GRM1: variants seen among roughly 807,000 people sequenced by gnomAD.
The protein encoded by GRM1 is glutamate metabotropic receptor 1, also known as metabotropic glutamate receptor 1.
GRM1 carries 33 observed loss-of-function variants against 90.9 expected under a neutral mutation model. That is an observed-to-expected ratio of 0.36 (90% CI 0.28 to 0.49). The LOEUF (loss-of-function observed/expected upper bound fraction) is 0.49, where lower values mean the gene tolerates loss of function less well. Ranked by LOEUF, GRM1 falls within the 20% of genes least tolerant of loss-of-function variation. GRM1 has a pLI of 0.99. For synonymous variants in GRM1, 700 were observed against 613.2 expected (o/e 1.14, Z -2.09); for missense variants, 1,190 against 1,534.3 (o/e 0.78, Z 3.75).
At chr6:146,423,157 A>G (rs1778062049) in intron 7 of GRM1, among the ~76,000 whole-genome samples, 1 of 152,218 alleles carries the variant, frequency 6.6e-6, no homozygotes, top group Admixed American at 6.5e-5. Flanking sequence ...TGGGACTTAT[A>G]TTTGACAAGC....
chr6:146,211,713 AAAC>A (rs1406070525), intron 2 of GRM1, among the ~76,000 whole-genome samples: 1 of 152,258 alleles, frequency 6.6e-6, no homozygotes, highest in Non-Finnish European at 1.5e-5. Flanking sequence ...CTCAGACAAT[AAAC>A]AACAATAAGT....
rs547230921 is a variant in GRM1 at position 146,325,487 on chromosome 6, C to T, written c.1186+20641C>T. Among the ~76,000 whole-genome samples, 7 of 152,282 alleles carry T rather than the reference C, an allele frequency of 4.6e-5. No individual in the cohort carries two copies. In the South Asian group the frequency reaches 6.2e-4, roughly 14 times the overall value. ...TGAACACCTCAAGTCCATATTTCAT[C>T]CATTTGAAATGGATTTATTTACACC... On this transcript the variant is annotated intron_variant, in intron 3 of 7. Coordinates refer to ENST00000282753, the MANE Select transcript of GRM1 (RefSeq NM_001278064.2).
chr6:146,084,277 G>A (rs753810763), intron 1 of GRM1, among the ~76,000 whole-genome samples: 3 of 151,390 alleles, frequency 2.0e-5, no homozygotes, highest in Non-Finnish European at 4.4e-5. Flanking sequence ...GTCTTCTGCT[G>A]GCTTTTGGAT....
At position 146,375,933 on chromosome 6, in the gene GRM1, C is replaced by T. The variant is rs118029323; in HGVS notation, c.1603-10957C>T. ...ATTTGTTTTCTGGTAGTTTTATGGTCTTCCCTCCCTTCTCTCTTTCCTTCC... is the reference window on the plus strand; with the variant it reads ...ATTTGTTTTCTGGTAGTTTTATGGTTTTCCCTCCCTTCTCTCTTTCCTTCC... On this transcript the variant is annotated intron_variant, in intron 5 of 7. Coordinates refer to ENST00000282753, the MANE Select transcript of GRM1 (RefSeq NM_001278064.2). Among the ~76,000 whole-genome samples, 25 of 151,872 alleles carry T rather than the reference C, an allele frequency of 1.6e-4. No individual in the cohort carries two copies. In the East Asian group the frequency reaches 4.8e-3, roughly 29 times the overall value.
chr6:146,350,382 C>G lies in GRM1; in HGVS notation c.1187-1868C>G, dbSNP rs189373559. 4.7e-3 allele frequency among the ~76,000 whole-genome samples: 722 copies of G among 152,090 alleles called. 5 individuals carry two copies. The highest frequency in any genetic ancestry group is 4.9e-3 in the Non-Finnish European group (332 of 68,002). On this transcript the variant is annotated intron_variant, in intron 3 of 7. Transcript: ENST00000282753. The stretch of plus-strand genomic sequence containing the variant: ...TTGACCCTGTTGTTGGTTGTAATGA[C>G]TGCAACTTTGGGTGATGGTTTTAGT...
chr6:146,381,108 G>A (rs562365150), intron 5 of GRM1, among the ~76,000 whole-genome samples: 61 of 152,246 alleles, frequency 4.0e-4, no homozygotes, highest in African/African-American at 1.2e-3. Context: ...TGATGCCAGC[G>A]TTCCCTTAGC....
At chr6:146,289,098 C>A (rs1782881390) in intron 2 of GRM1, among the ~76,000 whole-genome samples, 1 of 151,928 alleles carries the variant, frequency 6.6e-6, no homozygotes, top group African/African-American at 2.4e-5. Context: ...TTTGGAGTAT[C>A]CTCCTTCTAC....
rs755976570 is a variant in GRM1 at position 146,029,837 on chromosome 6, A to C, written c.320A>C (p.Asp107Ala). Residue 107 changes from aspartate (D) to alanine (A), a missense_variant, in exon 1 of 8, where the codon GAC becomes GCC. By Grantham distance (126) the Asp-to-Ala change is moderately radical. Coordinates refer to ENST00000282753, the MANE Select transcript of GRM1 (RefSeq NM_001278064.2). The part of the protein sequence containing the change: ...PNITLGSEIR[D>A]SCWHSSVALE... ...ATCACCCTGGGCAGTGAGATCCGGG[A>C]CTCCTGCTGGCACTCTTCCGTGGCT... The C allele has an allele frequency of 6.2e-7, 1 of 1,613,642 alleles. No homozygotes were observed. Among genetic ancestry groups the C allele is most frequent in the Non-Finnish European group, 8.5e-7 (1 of 1,179,874 alleles).
chr6:146,173,557 C>A (rs1196510501), intron 2 of GRM1, among the ~76,000 whole-genome samples: 1 of 151,846 alleles, frequency 6.6e-6, no homozygotes, highest in African/African-American at 2.4e-5. Flanking sequence ...CTGCCTTAAT[C>A]ATTCTAGACA....
intron 3 of GRM1, chr6:146,340,447 C>T (rs774592386): frequency 4.6e-5 from 7 of 152,304 alleles, no homozygotes; most frequent in Admixed American, 1.3e-4. Flanking sequence ...CCTGAATGCT[C>T]CCGATCTCGT....
intron 1 of GRM1, among the ~76,000 whole-genome samples, chr6:146,056,888 A>C (rs530417817): frequency 2.0e-5 from 3 of 152,306 alleles, no homozygotes; most frequent in East Asian, 3.9e-4. Flanking sequence ...GCAGAGTTTC[A>C]GTACTTGGCT....
intron 5 of GRM1, among the ~76,000 whole-genome samples, chr6:146,370,828 C>A (rs1409927239): frequency 6.6e-6 from 1 of 151,342 alleles, no homozygotes; most frequent in African/African-American, 2.5e-5. Context: ...TTAACTGCAC[C>A]CTGTGGAGTA....
In GRM1 at chr6:146,434,335, A is replaced by C; in HGVS notation, c.3124A>C (p.Ser1042Arg). 1 of 1,612,340 alleles carries C rather than the reference A, an allele frequency of 6.2e-7. No homozygotes were observed. The highest frequency in any genetic ancestry group is 8.5e-7 in the Non-Finnish European group (1 of 1,178,790). Residue 1042 changes from serine (S) to arginine (R), a missense_variant, in exon 8 of 8, where the codon AGT becomes CGT. Coordinates refer to ENST00000282753, the MANE Select transcript of GRM1 (RefSeq NM_001278064.2). ...DQLQGVVSNF[S>R]TAIPDFHAVL... ...GCTCCAGGGAGTGGTCAGCAACTTC[A>C]GTACCGCGATCCCGGATTTTCACGC...
chr6:146,270,896 TCTTTCTTTCTTTCTTTCTTC>T (rs1242672511), intron 2 of GRM1, among the ~76,000 whole-genome samples: 60 of 113,724 alleles, frequency 5.3e-4, no homozygotes, highest in Admixed American at 7.2e-4. Flanking sequence ...TTTCTTTCTT[TCTTTCTTTCTTTCTTTCTTC>T]CTTCCTTCCT....
chr6:146,121,324 C>T (rs1375680241), intron 1 of GRM1, among the ~76,000 whole-genome samples: 1 of 152,096 alleles, frequency 6.6e-6, no homozygotes, highest in Non-Finnish European at 1.5e-5. Flanking sequence ...TGATTCTTCT[C>T]TCTTTTTTTC....
intron 3 of GRM1, among the ~76,000 whole-genome samples, chr6:146,346,473 T>A (rs1165354253): frequency 5.3e-5 from 8 of 152,248 alleles, no homozygotes; most frequent in Non-Finnish European, 8.8e-5. Context: ...TTTTCTATGA[T>A]GTCAGCAGAG....
chr6:146,103,965 G>GA (rs957914292), intron 1 of GRM1, among the ~76,000 whole-genome samples: 6 of 151,980 alleles, frequency 3.9e-5, no homozygotes, highest in Non-Finnish European at 7.4e-5. Flanking sequence ...CTAAACTGAA[G>GA]AAAAAAACCA....
chr6:146,066,853 T>A (rs1775867205), intron 1 of GRM1, among the ~76,000 whole-genome samples: 1 of 152,202 alleles, frequency 6.6e-6, no homozygotes, highest in South Asian at 2.1e-4. Context: ...ATGTGGGACA[T>A]TTAGGGAAAG....
At chr6:146,247,275 T>A (rs1781093105) in intron 2 of GRM1, among the ~76,000 whole-genome samples, 1 of 152,066 alleles carries the variant, frequency 6.6e-6, no homozygotes, top group African/African-American at 2.4e-5. Context: ...CAAATACCCA[T>A]CTGTGGGGCC....
Sources: gnomAD v4.1 joint callset for allele counts (sites outside exome capture counted in the v4.1 genomes callset) on GRCh38, gnomAD v4.1.1 for gene constraint, MANE v1.5 for transcripts, NCBI Gene and HGNC (gene_info 2026-07-23, HGNC 2026-07-21) for gene names.